Variants in TSC22D1 observed in about 807,000 individuals in gnomAD.
TSC22D1 encodes TSC22 domain family protein 1.
Under a neutral mutation model 74.2 loss-of-function variants are expected in TSC22D1, and 9 were observed. That is an observed-to-expected ratio of 0.12 (90% CI 0.07 to 0.21). The LOEUF is 0.21. Among genes scored for constraint, TSC22D1 ranks in the 10% least tolerant of loss-of-function variants. TSC22D1 has a pLI of 1.00. For missense variants in TSC22D1, 1,427 were observed against 1,304.7 expected (o/e 1.09, Z -1.44); for synonymous variants, 586 against 492.5 (o/e 1.19, Z -2.51).
At position 44,573,810 on chromosome 13, in the gene TSC22D1, C is replaced by T. The variant is rs763422732; in HGVS notation, c.2265G>A (p.Gln755=). 2 of 1,614,196 alleles carry T rather than the reference C, an allele frequency of 1.2e-6. No homozygotes were observed. Among genetic ancestry groups the T allele is most frequent in the Admixed American group, 3.3e-5 (2 of 60,022 alleles). Residue 755 remains glutamine (Q), a synonymous_variant, in exon 1 of 3, where the codon CAG becomes CAA. Coordinates refer to ENST00000458659, the MANE Select transcript of TSC22D1 (RefSeq NM_183422.4). ...PSTQVPPSVI[Q]QGAPPSSQVV... is the part of the protein sequence containing the mutation. ...CTTGCGAAGATGGAGGAGCACCCTG[C>T]TGAATAACTGAAGGTGGAACCTGGG...
chr13:44,468,879 G>T (rs1877444812), intron 1 of TSC22D1, among the ~76,000 whole-genome samples: 1 of 132,684 alleles, frequency 7.5e-6, no homozygotes, highest in Non-Finnish European at 1.8e-5. Context: ...ATATAACATA[G>T]TTTTTTCTTA....
At chr13:44,439,993 T>TAC (rs900680103) in intron 1 of TSC22D1, among the ~76,000 whole-genome samples, 5 of 152,190 alleles carry the variant, frequency 3.3e-5, no homozygotes, top group Non-Finnish European at 5.9e-5. Flanking sequence ...GAAGGCACAT[T>TAC]ACCCTGTACC....
intron 1 of TSC22D1, among the ~76,000 whole-genome samples, chr13:44,571,218 A>G (rs1883741806): frequency 6.6e-6 from 1 of 152,208 alleles, no homozygotes; most frequent in Non-Finnish European, 1.5e-5. Context: ...CTTGTATTAG[A>G]GCTATATTTC....
intron 1 of TSC22D1, among the ~76,000 whole-genome samples, chr13:44,545,003 G>C (rs1036053326): frequency 1.3e-5 from 2 of 152,022 alleles, no homozygotes; most frequent in African/African-American, 4.8e-5. Flanking sequence ...TATAAAAAAG[G>C]ATAAGGCAAC....
At chr13:44,543,982 A>C (rs1025242645) in intron 1 of TSC22D1, among the ~76,000 whole-genome samples, 4 of 152,014 alleles carry the variant, frequency 2.6e-5, no homozygotes, top group Non-Finnish European at 5.9e-5. Flanking sequence ...AGTCCCACCT[A>C]CTCGGGAGGC....
At chr13:44,532,753 G>T (rs1409369798) in intron 1 of TSC22D1, among the ~76,000 whole-genome samples, 2 of 152,104 alleles carry the variant, frequency 1.3e-5, no homozygotes, top group African/African-American at 4.8e-5. Flanking sequence ...GATTACAGGC[G>T]TGAGCCACCA....
chr13:44,517,300 T>C (rs746070012), intron 1 of TSC22D1, among the ~76,000 whole-genome samples: 1 of 151,422 alleles, frequency 6.6e-6, no homozygotes, highest in Non-Finnish European at 1.5e-5. Context: ...CAGAGAGCAA[T>C]AGTAACCATC....
rs1348513647 is a variant in TSC22D1, at chr13:44,536,951, A to AC, written c.2912+36211_2912+36212insG. On this transcript the variant is annotated intron_variant, in intron 1 of 2. Transcript: ENST00000458659. ...GAAAAAAAAAAAAAAAAAAAAAAAAAAAAAAAAACAAAAAAAACTAACACA... is the reference window on the plus strand; with the variant it reads ...GAAAAAAAAAAAAAAAAAAAAAAAAACAAAAAAAACAAAAAAAACTAACACA... 1.2e-4 allele frequency: 116 copies of AC among 935,772 alleles called. 3 individuals are homozygous for AC. The highest frequency in any genetic ancestry group is 2.2e-4 in the African/African-American group (12 of 53,616). The allele number at this position is 935,772 out of a possible 1,614,324, so 58.0% of individuals were successfully genotyped here.
Position 44,574,770 on chromosome 13 carries a change from A to G in TSC22D1, c.1305T>C (p.Ala435=), listed in dbSNP as rs759818565. Residue 435 remains alanine (A), a synonymous_variant, in exon 1 of 3, where the codon GCT becomes GCC. Transcript: ENST00000458659. ...TCTEFYEKEN[A]VPATEGVLIN... Reference sequence around the variant, plus strand: ...TCAGCACACCTTCTGTAGCAGGTACAGCATTTTCTTTTTCATAGAACTCAG... The same window carrying G: ...TCAGCACACCTTCTGTAGCAGGTACGGCATTTTCTTTTTCATAGAACTCAG... 1 of 1,614,124 alleles carries G rather than the reference A, an allele frequency of 6.2e-7. No individual in the cohort carries two copies. Among genetic ancestry groups the G allele is most frequent in the Admixed American group, 1.7e-5 (1 of 60,032 alleles).
At chr13:44,504,128 T>C (rs1487982924) in intron 1 of TSC22D1, among the ~76,000 whole-genome samples, 1 of 146,170 alleles carries the variant, frequency 6.8e-6, no homozygotes, top group African/African-American at 2.5e-5. Flanking sequence ...CCCTGTAAAA[T>C]GTACAAATGA....
intron 1 of TSC22D1, among the ~76,000 whole-genome samples, chr13:44,449,208 C>T (rs1875928000): frequency 6.6e-6 from 1 of 152,154 alleles, no homozygotes. Context: ...CAGATCAGTC[C>T]CAGTGCCAGT....
At chr13:44,457,192 T>C (rs1876706630) in intron 1 of TSC22D1, among the ~76,000 whole-genome samples, 1 of 152,244 alleles carries the variant, frequency 6.6e-6, no homozygotes, top group South Asian at 2.1e-4. Flanking sequence ...GAACCAAAAC[T>C]GCACCTAGGA....
At chr13:44,451,378 A>C (rs1876119094) in intron 1 of TSC22D1, 1 of 152,252 alleles carries the variant, frequency 6.6e-6, no homozygotes. Flanking sequence ...CTCCACTCCA[A>C]GGCGCCAGTA....
intron 1 of TSC22D1, among the ~76,000 whole-genome samples, chr13:44,540,273 T>A (rs538452458): frequency 6.6e-6 from 1 of 152,124 alleles, no homozygotes; most frequent in South Asian, 2.1e-4. Flanking sequence ...CTCAGATATA[T>A]CAAAGGAGGA....
At chr13:44,455,256 T>C (rs1406745597) in intron 1 of TSC22D1, among the ~76,000 whole-genome samples, 1 of 152,182 alleles carries the variant, frequency 6.6e-6, no homozygotes. Flanking sequence ...GGATTAGTCA[T>C]GGAAGAACTC....
intron 1 of TSC22D1, among the ~76,000 whole-genome samples, chr13:44,463,713 A>G (rs1475419147): frequency 6.6e-6 from 1 of 152,248 alleles, no homozygotes; most frequent in Non-Finnish European, 1.5e-5. Flanking sequence ...AAAGAAGAAA[A>G]GGTTTTAAAG....
intron 1 of TSC22D1, among the ~76,000 whole-genome samples, chr13:44,495,065 A>T (rs1358044687): frequency 6.6e-6 from 1 of 152,182 alleles, no homozygotes; most frequent in Admixed American, 6.5e-5. Context: ...TTATCAAACT[A>T]GAGGAGCAGA....
chr13:44,449,540 A>G (rs1423172157), intron 1 of TSC22D1, among the ~76,000 whole-genome samples: 2 of 152,028 alleles, frequency 1.3e-5, no homozygotes, highest in African/African-American at 4.8e-5. Flanking sequence ...CACTTTAAGA[A>G]CTTCTGTGGT....
Position 44,574,904 on chromosome 13 carries a change from C to T in TSC22D1, c.1171G>A (p.Gly391Arg). 1 of 1,614,062 alleles carries T rather than the reference C, an allele frequency of 6.2e-7. No individual in the cohort carries two copies. The highest frequency in any genetic ancestry group is 8.5e-7 in the Non-Finnish European group (1 of 1,180,008). ...VPNAAAGMTG[G>R]SVSSQQQQPT... is the part of the protein sequence containing the mutation. ...TGTTGCTGCTGACTTGAAACCGATC[C>T]CCCAGTCATCCCTGCAGCTGCATTA... Residue 391 changes from glycine to arginine, a missense_variant, in exon 1 of 3, where the codon GGA (glycine) becomes AGA (arginine). Coordinates refer to ENST00000458659, the MANE Select transcript of TSC22D1 (RefSeq NM_183422.4).
Sources: gnomAD v4.1 joint callset for allele counts (sites outside exome capture counted in the v4.1 genomes callset) on GRCh38, gnomAD v4.1.1 for gene constraint, MANE v1.5 for transcripts, NCBI Gene and HGNC (gene_info 2026-07-23, HGNC 2026-07-21) for gene names.